The following OGDH variants were observed in gnomAD, a reference collection of about 807,000 sequenced individuals.
OGDH encodes 2-oxoglutarate dehydrogenase complex component E1.
OGDH carries 38 observed loss-of-function variants against 116.6 expected under a neutral mutation model. The observed-to-expected ratio is 0.33, with a 90% CI of 0.25 to 0.43. The LOEUF (loss-of-function observed/expected upper bound fraction) is 0.43. OGDH is among the 20% of genes least tolerant of loss of function. The probability of loss-of-function intolerance (pLI) is 1.00; values close to 1 mark genes in which losing one functional copy is unlikely to be tolerated. For synonymous variants in OGDH, 488 were observed against 533.3 expected, an observed-to-expected ratio of 0.92 and a Z score of 1.17; for missense variants, 825 against 1,357.2, an observed-to-expected ratio of 0.61 and a Z score of 6.16.
intron 2 of OGDH, among the ~76,000 whole-genome samples, chr7:44,639,305 G>T (rs1436672268): frequency 6.6e-6 from 1 of 152,146 alleles, no homozygotes; most frequent in Non-Finnish European, 1.5e-5. Context: ...ACAGGGAGGT[G>T]GAAAGAGAGT....
intron 2 of OGDH, among the ~76,000 whole-genome samples, chr7:44,639,299 G>A (rs1317904385): frequency 6.6e-6 from 1 of 152,020 alleles, no homozygotes; most frequent in Non-Finnish European, 1.5e-5. Flanking sequence ...AGGACAACAG[G>A]GAGGTGGAAA....
At chr7:44,666,112 G>A (rs1787172963) in intron 4 of OGDH, among the ~76,000 whole-genome samples, 1 of 152,158 alleles carries the variant, frequency 6.6e-6, no homozygotes, top group Non-Finnish European at 1.5e-5. Flanking sequence ...GGAATTTCAG[G>A]AGAAGACGAT....
At chr7:44,695,935 G>A in intron 12 of OGDH, 90 bp from the exon 13 acceptor site, 2 of 728,952 alleles carry the variant, frequency 2.7e-6, no homozygotes, top group Non-Finnish European at 5.0e-6. Flanking sequence ...GGGCTTGCGT[G>A]GTGGCTGTCA....
At chr7:44,689,052 T>G (rs1356789920) in intron 10 of OGDH, among the ~76,000 whole-genome samples, 3 of 151,958 alleles carry the variant, frequency 2.0e-5, no homozygotes, top group Non-Finnish European at 4.4e-5. Context: ...GCCCAGCCTG[T>G]GTCTACATAT....
At position 44,697,121 on chromosome 7, in the gene OGDH, G is replaced by C. The variant is rs1301244094; in HGVS notation, c.2051+57G>C. 6.3e-7 allele frequency: 1 copy of C among 1,575,544 alleles called. No homozygotes were observed. The highest frequency in any genetic ancestry group is 1.1e-5 in the South Asian group (1 of 87,868). On this transcript the variant is annotated intron_variant, in intron 15 of 22. Coordinates refer to ENST00000222673, the MANE Select transcript of OGDH (RefSeq NM_002541.4). This position sits in a 1 kb window ranked among gnomAD's most constrained non-coding sequence, Gnocchi z 6.0. ...AAAGAGTAGAAGATGGAAAGGGAGG[G>C]GTTCTGGTGTTTCTTTTCCGGAAGA...
Position 44,681,795 on chromosome 7 carries a change from G to A in OGDH, c.1282G>A (p.Asp428Asn). The A allele has an allele frequency of 6.2e-7, 1 of 1,614,050 alleles. No homozygotes were observed. The highest frequency in any genetic ancestry group is 1.3e-5 in the African/African-American group (1 of 74,990). The change falls in exon 10 of 23, where the codon GAC becomes AAC. Residue 428 changes from aspartate (D) to asparagine (N), a missense_variant. Asp to Asn is a conservative substitution (Grantham distance 23). Transcript: ENST00000222673. ...GIVYETFHLS[D>N]LPSYTTHGTV... The stretch of plus-strand genomic sequence containing the variant: ...TGTGTACGAGACCTTCCACCTCAGC[G>A]ACCTGCCATCCTACACAACTCATGG...
chr7:44,627,824 G>A (rs1400420078), intron 2 of OGDH, among the ~76,000 whole-genome samples: 3 of 151,880 alleles, frequency 2.0e-5, no homozygotes, highest in African/African-American at 4.8e-5. Context: ...TTACAGATAC[G>A]CGCCACCACG....
At chr7:44,680,249 C>A (rs185511241) in intron 9 of OGDH, among the ~76,000 whole-genome samples, 3 of 152,176 alleles carry the variant, frequency 2.0e-5, no homozygotes, top group African/African-American at 7.2e-5. Context: ...GAAAGAAAAT[C>A]ATTCTCTCTC....
rs566399280 is a variant in OGDH, at chr7:44,705,489, T to A, written c.2633-1736T>A. Among the ~76,000 whole-genome samples, 11 of 152,338 alleles carry A rather than the reference T, an allele frequency of 7.2e-5. No individual in the cohort carries two copies. The East Asian group carries it at 2.1e-3, about 29-fold the overall frequency. On this transcript the variant is annotated intron_variant, in intron 20 of 22. Coordinates refer to ENST00000222673, the MANE Select transcript of OGDH (RefSeq NM_002541.4). The stretch of plus-strand genomic sequence containing the variant: ...CTATGTTTTCTTCTGAGTTTTATAG[T>A]TTTTGCTCTTATGTTTAGATCTTTG...
chr7:44,631,806 T>TCC (rs1785449548), intron 2 of OGDH, among the ~76,000 whole-genome samples: 1 of 151,602 alleles, frequency 6.6e-6, no homozygotes, highest in African/African-American at 2.4e-5. Flanking sequence ...AGCTCTCTTT[T>TCC]CTCTCTCTCT....
chr7:44,706,751 G>C (rs1789095734), intron 20 of OGDH, among the ~76,000 whole-genome samples: 1 of 150,280 alleles, frequency 6.7e-6, no homozygotes, highest in Admixed American at 6.7e-5. Context: ...CTCCCGAGTA[G>C]CTGGGACCAC....
At chr7:44,607,592 C>T (rs1241151905) in intron 1 of OGDH, among the ~76,000 whole-genome samples, 1 of 152,206 alleles carries the variant, frequency 6.6e-6, no homozygotes, top group Non-Finnish European at 1.5e-5. Flanking sequence ...AACAGTCAAA[C>T]TGTACTTTGC....
At chr7:44,653,049 ATTCTTGCCCTCAGTTTT>A (rs1359513484) in intron 4 of OGDH, among the ~76,000 whole-genome samples, 5 of 152,086 alleles carry the variant, frequency 3.3e-5, no homozygotes, top group South Asian at 4.1e-4. Context: ...TTAATTAGAA[ATTCTTGCCCTCAGTTTT>A]TTCTTGCTGT....
intron 2 of OGDH, among the ~76,000 whole-genome samples, chr7:44,633,607 G>A (rs948251022): frequency 5.6e-4 from 86 of 152,224 alleles, no homozygotes; most frequent in African/African-American, 1.8e-3. Context: ...ATATCTCTTC[G>A]CGTCCATGAT....
chr7:44,676,439 CA>C (rs952571731), intron 9 of OGDH: 14 of 490,510 alleles, frequency 2.9e-5, no homozygotes, highest in African/African-American at 2.7e-4. Flanking sequence ...CCTGTAATCC[CA>C]GCTACTCAGG....
chr7:44,688,796 TG>T (rs1463414780), intron 10 of OGDH, among the ~76,000 whole-genome samples: 1 of 152,148 alleles, frequency 6.6e-6, no homozygotes, highest in Non-Finnish European at 1.5e-5. Flanking sequence ...TGGCCCAGGC[TG>T]GAGTGCAAGT....
intron 5 of OGDH, among the ~76,000 whole-genome samples, chr7:44,668,723 A>G (rs950533865): frequency 1.3e-5 from 2 of 152,224 alleles, no homozygotes; most frequent in Non-Finnish European, 2.9e-5. Context: ...CACACTGACT[A>G]TAGTTTCTAG....
intron 2 of OGDH, among the ~76,000 whole-genome samples, chr7:44,628,515 G>A (rs527594064): frequency 6.6e-6 from 1 of 151,502 alleles, no homozygotes; most frequent in Non-Finnish European, 1.5e-5. Context: ...TACTTTGGGA[G>A]GCTGAGGCAG....
chr7:44,697,483 A>G lies in OGDH; in HGVS notation c.2165A>G (p.Glu722Gly). Residue 722 changes from glutamate to glycine, a missense_variant, in exon 16 of 23, where the codon GAG becomes GGG. Glu to Gly is a moderately conservative substitution (Grantham distance 98, BLOSUM62 -2). Coordinates refer to ENST00000222673, the MANE Select transcript of OGDH (RefSeq NM_002541.4). The surrounding 1 kb of genome is among the most constrained non-coding windows in gnomAD (Gnocchi z 6.0). ...ACTGTGTGCAACAGCTCACTGTCTG[A>G]GTACGGCGTGCTGGGTGAGTGCCTG... ...PYTVCNSSLS[E>G]YGVLGFELGF... is the part of the protein sequence containing the mutation. 6.2e-7 allele frequency: 1 copy of G among 1,614,136 alleles called. No individual in the cohort carries two copies. The highest frequency in any genetic ancestry group is 8.5e-7 in the Non-Finnish European group (1 of 1,180,024).
Sources: gnomAD v4.1 joint callset for allele counts (sites outside exome capture counted in the v4.1 genomes callset) on GRCh38, gnomAD v4.1.1 for gene constraint, Gnocchi (gnomAD v3.1) non-coding constraint, MANE v1.5 for transcripts, NCBI Gene and HGNC (gene_info 2026-07-23, HGNC 2026-07-21) for gene names.